The following KDM1A variants were observed in gnomAD, a reference collection of about 807,000 sequenced individuals.
The protein encoded by KDM1A is lysine demethylase 1A, also known as lysine-specific histone demethylase 1A.
KDM1A carries 49 observed loss-of-function variants against 109.4 expected under a neutral mutation model. The ratio of observed to expected loss-of-function variants is 0.45; its 90% CI spans 0.36 to 0.57. The LOEUF (loss-of-function observed/expected upper bound fraction) is 0.57. KDM1A is among the 20% of genes least tolerant of loss of function. KDM1A has a pLI of 0.00. For missense variants in KDM1A, 668 were observed against 1,116.6 expected (o/e 0.60, Z 5.73); for synonymous variants, 380 against 415.4 (o/e 0.91, Z 1.04).
intron 2 of KDM1A, among the ~76,000 whole-genome samples, chr1:23,038,608 T>C (rs1444216832): frequency 6.6e-6 from 1 of 152,150 alleles, no homozygotes; most frequent in Non-Finnish European, 1.5e-5. Flanking sequence ...GGAAATAATA[T>C]GTGAAAAAGT....
chr1:23,043,550 T>G (rs1642413908), intron 2 of KDM1A, among the ~76,000 whole-genome samples: 1 of 152,196 alleles, frequency 6.6e-6, no homozygotes, highest in African/African-American at 2.4e-5. Flanking sequence ...TTTTATGTCT[T>G]CCAAAGATCA....
intron 16 of KDM1A, 122 bp from the exon 17 acceptor site, chr1:23,078,868 G>A (rs1327565531): frequency 2.2e-6 from 2 of 890,068 alleles, no homozygotes; most frequent in Non-Finnish European, 3.5e-6. Context: ...AAACATGAAG[G>A]TAATGAAAAT....
Position 23,059,919 on chromosome 1 carries a change from T to TA in KDM1A, c.1167+753dup, listed in dbSNP as rs1384915324. On this transcript the variant is annotated intron_variant, in intron 9 of 20. Coordinates refer to ENST00000400181, the MANE Select transcript of KDM1A (RefSeq NM_001009999.3). ...TGATTTCCTATGTATACGGTGGGTT[T>TA]AGCTATTCTTACTAAAAGTAGTAGG... Among the ~76,000 whole-genome samples the TA allele has an allele frequency of 1.5e-4, 23 of 152,342 alleles. No homozygotes were observed. The Middle Eastern group carries it at 0.01, about 68-fold the overall frequency.
chr1:23,036,444 G>GCCCCCCCCCCCCCCCCCCCCCCC (rs5773033), intron 2 of KDM1A, among the ~76,000 whole-genome samples: 3 of 121,598 alleles, frequency 2.5e-5, no homozygotes, highest in Non-Finnish European at 3.4e-5. Context: ...TTCTTGCCAC[G>GCCCCCCCCCCCCCCCCCCCCCCC]CCCCCCCCCT....
rs1295149593 is a variant in KDM1A at position 23,030,463 on chromosome 1, A to G, written c.352-6A>G. On this transcript the variant is annotated splice_polypyrimidine_tract_variant and splice_region_variant and intron_variant, in intron 1 of 20. Coordinates refer to ENST00000400181, the MANE Select transcript of KDM1A (RefSeq NM_001009999.3). Reference sequence around the variant, plus strand: ...TTTAGCTTTCCCTGGTATGATCTCCATATAGGTAGAGTACAGAGAGATGGA... The same window carrying G: ...TTTAGCTTTCCCTGGTATGATCTCCGTATAGGTAGAGTACAGAGAGATGGA... 1 of 1,550,714 alleles carries G rather than the reference A, an allele frequency of 6.4e-7. No homozygotes were observed. The highest frequency in any genetic ancestry group is 2.2e-5 in the Admixed American group (1 of 45,186).
rs188601478 is a variant in KDM1A at position 23,070,142 on chromosome 1, A to G, written c.1413+991A>G. On this transcript the variant is annotated intron_variant, in intron 12 of 20. Coordinates refer to ENST00000400181, the MANE Select transcript of KDM1A (RefSeq NM_001009999.3). ...CACTCTTGTCCTGTGTGGTATCATC[A>G]GAAACCTGAAAAAAGCTAACATTAA... Among the ~76,000 whole-genome samples the G allele has an allele frequency of 7.2e-5, 11 of 152,390 alleles. No homozygotes were observed. The East Asian group carries it at 2.1e-3, about 29-fold the overall frequency.
At chr1:23,042,754 T>G (rs1642388739) in intron 2 of KDM1A, among the ~76,000 whole-genome samples, 1 of 137,966 alleles carries the variant, frequency 7.2e-6, no homozygotes, top group Admixed American at 7.2e-5. Flanking sequence ...GCCCGGCCTA[T>G]TATTATTATT....
chr1:23,058,400 T>C (rs1642901680), intron 8 of KDM1A, among the ~76,000 whole-genome samples: 1 of 152,210 alleles, frequency 6.6e-6, no homozygotes, highest in African/African-American at 2.4e-5. Context: ...TTGAACAAGC[T>C]TATAGGACAA....
Position 23,037,272 on chromosome 1 carries a change from C to T in KDM1A, c.517+6638C>T, listed in dbSNP as rs537393295. On this transcript the variant is annotated intron_variant, in intron 2 of 20. Transcript: ENST00000400181. ...TGAGCTGGGATCGTACCACTGCACT[C>T]CAGCCTGGGTGATAGAGTGAGACCC... Among the ~76,000 whole-genome samples the T allele has an allele frequency of 2.7e-5, 4 of 149,352 alleles. No homozygotes were observed. The South Asian group carries it at 8.5e-4, about 32-fold the overall frequency.
chr1:23,059,530 A>G (rs1642939017), intron 9 of KDM1A, among the ~76,000 whole-genome samples: 1 of 152,136 alleles, frequency 6.6e-6, no homozygotes, highest in Non-Finnish European at 1.5e-5. Context: ...CACGTGCTTT[A>G]GCTCCATGTG....
At chr1:23,023,189 T>C (rs1465063264) in intron 1 of KDM1A, among the ~76,000 whole-genome samples, 1 of 152,222 alleles carries the variant, frequency 6.6e-6, no homozygotes, top group Non-Finnish European at 1.5e-5. Flanking sequence ...GTAAGAGTTC[T>C]TTACATATTC....
At chr1:23,049,810 T>G (rs1364190887) in intron 3 of KDM1A, among the ~76,000 whole-genome samples, 1 of 152,222 alleles carries the variant, frequency 6.6e-6, no homozygotes, top group Admixed American at 6.5e-5. Context: ...ATTTCTAATG[T>G]TTCTGCCAGC....
intron 3 of KDM1A, among the ~76,000 whole-genome samples, chr1:23,048,827 C>A (rs1383753724): frequency 6.6e-6 from 1 of 151,964 alleles, no homozygotes; most frequent in Non-Finnish European, 1.5e-5. Context: ...ATCAGTGCTT[C>A]CAACTTCTTG....
rs769906942 is a variant in KDM1A at position 23,071,235 on chromosome 1, T to G, written c.1424T>G (p.Leu475Trp). The change falls in exon 13 of 21, where the codon TTG (leucine) becomes TGG (tryptophan). Residue 475 changes from leucine to tryptophan, a missense_variant. Coordinates refer to ENST00000400181, the MANE Select transcript of KDM1A (RefSeq NM_001009999.3). ...LKELLNKMVNLKEKIKELHQQ... is the reference protein window; with the variant it reads ...LKELLNKMVNWKEKIKELHQQ... ...ATTTTTCCTTCTTAGATGGTAAATT[T>G]GAAAGAGAAAATTAAAGAACTCCAT... 1.3e-6 allele frequency: 2 copies of G among 1,598,778 alleles called. No individual in the cohort carries two copies. The highest frequency in any genetic ancestry group is 4.5e-5 in the East Asian group (2 of 44,808).
chr1:23,023,439 C>A (rs943288471), intron 1 of KDM1A, among the ~76,000 whole-genome samples: 1 of 152,146 alleles, frequency 6.6e-6, no homozygotes, highest in Non-Finnish European at 1.5e-5. Flanking sequence ...GTTGTCCCAG[C>A]ACAGTTTATT....
chr1:23,026,836 G>A (rs1242847018), intron 1 of KDM1A, among the ~76,000 whole-genome samples: 2 of 152,160 alleles, frequency 1.3e-5, no homozygotes, highest in South Asian at 2.1e-4. Context: ...CTCACTCATA[G>A]TCTGCCTGTT....
At chr1:23,022,323 C>CTT (rs1641657750) in intron 1 of KDM1A, among the ~76,000 whole-genome samples, 1 of 64,092 alleles carries the variant, frequency 1.6e-5, no homozygotes, top group Non-Finnish European at 4.5e-5. Flanking sequence ...TGTTCTTCTT[C>CTT]GTTTTTTTTT....
intron 1 of KDM1A, among the ~76,000 whole-genome samples, chr1:23,023,400 G>A (rs902536740): frequency 6.6e-6 from 1 of 152,118 alleles, no homozygotes; most frequent in Non-Finnish European, 1.5e-5. Context: ...TATGGTGTGA[G>A]GTAGGGGTTC....
chr1:23,039,638 T>C (rs1281823127), intron 2 of KDM1A, among the ~76,000 whole-genome samples: 1 of 152,246 alleles, frequency 6.6e-6, no homozygotes, highest in Non-Finnish European at 1.5e-5. Context: ...TGAAAGTAGG[T>C]ACCGAGCAGT....
Sources: gnomAD v4.1 joint callset for allele counts (sites outside exome capture counted in the v4.1 genomes callset) on GRCh38, gnomAD v4.1.1 for gene constraint, MANE v1.5 for transcripts, NCBI Gene and HGNC (gene_info 2026-07-23, HGNC 2026-07-21) for gene names.